ZNF485: variants seen among roughly 807,000 people sequenced by gnomAD.
ZNF485 encodes the protein Zinc finger protein 93 (Zinc finger protein HTF34).
In ZNF485, 9 loss-of-function variants were observed where a neutral mutation model predicts 10.8. That is an observed-to-expected ratio of 0.83 (90% CI 0.50 to 1.45). ZNF485 has a LOEUF of 1.45. Ranked by LOEUF, ZNF485 falls within the 40% of genes most tolerant of loss-of-function variation. ZNF485 has a pLI of 0.00. For synonymous variants in ZNF485, 187 were observed against 181.0 expected (o/e 1.03, Z -0.27); for missense variants, 487 against 528.0 (o/e 0.92, Z 0.76).
chr10:43,610,812 G>C (rs879503022), intron 4 of ZNF485, among the ~76,000 whole-genome samples: 2 of 152,094 alleles, frequency 1.3e-5, no homozygotes, highest in Non-Finnish European at 2.9e-5. Flanking sequence ...ATGGTATGCA[G>C]TCTCCTTCAC....
chr10:43,617,060 A>G lies in ZNF485; in HGVS notation c.1017A>G (p.Ser339=). 1 of 1,613,266 alleles carries G rather than the reference A, an allele frequency of 6.2e-7. No homozygotes were observed. The highest frequency in any genetic ancestry group is 8.5e-7 in the Non-Finnish European group (1 of 1,179,198). The change falls in exon 5 of 5, where the codon TCA becomes TCG. Residue 339 remains serine, a synonymous_variant. Transcript: ENST00000361807. ...SKCGKSFRYS[S]SFAGHQKTHS... Reference sequence around the variant, plus strand: ...GTGGAAAATCTTTCAGGTATAGCTCATCCTTTGCTGGTCATCAGAAAACTC... The same window carrying G: ...GTGGAAAATCTTTCAGGTATAGCTCGTCCTTTGCTGGTCATCAGAAAACTC...
At chr10:43,615,534 T>TG (rs201736105) in intron 4 of ZNF485, among the ~76,000 whole-genome samples, 4,462 of 152,136 alleles carry the variant, frequency 0.029, 220 homozygotes, top group African/African-American at 0.1. Flanking sequence ...CCCGAGTAGC[T>TG]GGGATTAAAG....
chr10:43,614,461 G>GT (rs202072713), intron 4 of ZNF485, among the ~76,000 whole-genome samples: 2,001 of 151,790 alleles, frequency 0.013, 19 homozygotes, highest in Non-Finnish European at 0.021. Context: ...TTCAAAACAT[G>GT]TTTTTTTTCT....
In ZNF485 at chr10:43,617,071, G is replaced by A; in HGVS notation, c.1028G>A (p.Gly343Asp). 6.2e-7 allele frequency: 1 copy of A among 1,614,174 alleles called. No homozygotes were observed. The highest frequency in any genetic ancestry group is 8.5e-7 in the Non-Finnish European group (1 of 1,180,022). ...TTCAGGTATAGCTCATCCTTTGCTG[G>A]TCATCAGAAAACTCACAGTGGAAAT... Reference protein sequence around the residue: ...KSFRYSSSFAGHQKTHSGNKP... With the variant: ...KSFRYSSSFADHQKTHSGNKP... Residue 343 changes from glycine (G) to aspartate (D), a missense_variant, in exon 5 of 5, where the codon GGT becomes GAT. Coordinates refer to ENST00000361807, the MANE Select transcript of ZNF485 (RefSeq NM_145312.4).
In ZNF485 at chr10:43,616,011, C is replaced by T. The variant is rs1405648537; in HGVS notation, c.248-280C>T. 2.0e-5 allele frequency among the ~76,000 whole-genome samples: 3 copies of T among 152,126 alleles called. No homozygotes were observed. In the East Asian group the frequency reaches 5.8e-4, roughly 29 times the overall value. On this transcript the variant is annotated intron_variant, in intron 4 of 4. Coordinates refer to ENST00000361807, the MANE Select transcript of ZNF485 (RefSeq NM_145312.4). ...TGTCTTTTTTCTTTTTTAGCTGTTT[C>T]CTGTGTTGTCTTCCTAACTTGGCAA...
In ZNF485 at chr10:43,617,458, ACTTC is replaced by A; in HGVS notation, c.*90_*93del. ...TATGCATTTAACAGAAATACTCTGT[ACTTC>A]TGAGAGAACACATCACTTGTGAGGA... On this transcript the variant is annotated 3_prime_UTR_variant, in exon 5 of 5. Transcript: ENST00000361807. The A allele has an allele frequency of 2.1e-6, 2 of 954,840 alleles. No homozygotes were observed. The highest frequency in any genetic ancestry group is 3.1e-6 in the Non-Finnish European group (2 of 642,624). The allele number at this position is 954,840 out of a possible 1,614,324, so 59.1% of individuals were successfully genotyped here. A position where few individuals can be genotyped will look rare whatever the true frequency, so the allele number is the denominator to read the frequency against.
intron 2 of ZNF485, among the ~76,000 whole-genome samples, chr10:43,607,911 C>A (rs1838684243): frequency 6.6e-6 from 1 of 152,176 alleles, no homozygotes; most frequent in Non-Finnish European, 1.5e-5. Context: ...ACTCTCTGAA[C>A]CTTTGTGTCT....
intron 2 of ZNF485, among the ~76,000 whole-genome samples, chr10:43,607,983 AT>A (rs1481900649): frequency 6.6e-6 from 1 of 152,228 alleles, no homozygotes; most frequent in African/African-American, 2.4e-5. Flanking sequence ...GATGATATGT[AT>A]CTCAGGGTTT....
At chr10:43,615,230 G>A (rs929669797) in intron 4 of ZNF485, among the ~76,000 whole-genome samples, 2 of 152,104 alleles carry the variant, frequency 1.3e-5, no homozygotes, top group Non-Finnish European at 2.9e-5. Flanking sequence ...TATAAGAAAA[G>A]CGCATTTAGT....
At chr10:43,610,913 G>A (rs1838756673) in intron 4 of ZNF485, among the ~76,000 whole-genome samples, 1 of 152,142 alleles carries the variant, frequency 6.6e-6, no homozygotes, top group African/African-American at 2.4e-5. Context: ...TACTTTGTGA[G>A]AGTATCCATG....
intron 3 of ZNF485, 95 bp downstream of exon 3, chr10:43,608,835 A>G (rs1353893219): frequency 1.7e-5 from 25 of 1,498,058 alleles, no homozygotes; most frequent in Admixed American, 4.2e-5. Flanking sequence ...AAAATCTTAA[A>G]TGATGTGCTT....
Position 43,616,844 on chromosome 10 carries a change from G to A in ZNF485, c.801G>A (p.Glu267=). 1.2e-6 allele frequency: 2 copies of A among 1,614,068 alleles called. No homozygotes were observed. The highest frequency in any genetic ancestry group is 1.7e-6 in the Non-Finnish European group (2 of 1,180,024). The change falls in exon 5 of 5, where the codon GAG becomes GAA. Residue 267 remains glutamate, a synonymous_variant. Transcript: ENST00000361807. The part of the protein sequence containing the change: ...LTRHERIHSG[E]KPFKCNKCGR... The stretch of plus-strand genomic sequence containing the variant: ...GTCATGAAAGAATACATAGTGGAGA[G>A]AAGCCTTTTAAATGTAACAAGTGTG...
chr10:43,609,212 ATT>A, intron 3 of ZNF485, 41 bp from the exon 4 acceptor site: 2 of 1,348,586 alleles, frequency 1.5e-6, no homozygotes, highest in Admixed American at 1.9e-5. Context: ...CTTTTCATTC[ATT>A]TTTTTTTTCT....
At chr10:43,608,456 G>A (rs769303798) in intron 2 of ZNF485, among the ~76,000 whole-genome samples, 158 bp from the exon 3 acceptor site, 82 of 152,362 alleles carry the variant, frequency 5.4e-4, no homozygotes, top group Non-Finnish European at 8.2e-4. Flanking sequence ...CTGCTCAAGG[G>A]AGGAGTCGCA....
intron 3 of ZNF485, among the ~76,000 whole-genome samples, chr10:43,608,953 G>A (rs1838712889): frequency 3.3e-5 from 5 of 152,172 alleles, no homozygotes; most frequent in Admixed American, 3.3e-4. Context: ...GCTTTGTGGT[G>A]CCAACTAGCC....
Position 43,616,471 on chromosome 10 carries a change from C to T in ZNF485, c.428C>T (p.Ser143Leu), listed in dbSNP as rs138982373. Residue 143 changes from serine to leucine, a missense_variant, in exon 5 of 5, where the codon TCG becomes TTG. Ser to Leu is a moderately radical substitution (Grantham distance 145). Transcript: ENST00000361807. Reference sequence around the variant, plus strand: ...TGTGGGAAAGTCTTCAAATACAATTCGTCCTTTATTAGCCACCAGAGAAAT... The same window carrying T: ...TGTGGGAAAGTCTTCAAATACAATTTGTCCTTTATTAGCCACCAGAGAAAT... ...KECGKVFKYN[S>L]SFISHQRNHT... 6.8e-6 allele frequency: 11 copies of T among 1,613,904 alleles called. No individual in the cohort carries two copies. Among genetic ancestry groups the T allele is most frequent in the South Asian group, 3.3e-5 (3 of 91,062 alleles).
chr10:43,611,968 T>C (rs1838777506), intron 4 of ZNF485, among the ~76,000 whole-genome samples: 1 of 152,232 alleles, frequency 6.6e-6, no homozygotes, highest in African/African-American at 2.4e-5. Context: ...AAGGTAATGA[T>C]GGATATGCTT....
intron 4 of ZNF485, among the ~76,000 whole-genome samples, chr10:43,615,028 C>T (rs1838828622): frequency 6.6e-6 from 1 of 152,134 alleles, no homozygotes; most frequent in African/African-American, 2.4e-5. Context: ...AACACATATC[C>T]CATCAAAGGC....
intron 4 of ZNF485, among the ~76,000 whole-genome samples, chr10:43,614,272 G>A (rs1838814960): frequency 6.6e-6 from 1 of 151,804 alleles, no homozygotes; most frequent in Non-Finnish European, 1.5e-5. Context: ...ATCTCTGATT[G>A]GGTAACTATT....
Sources: allele counts gnomAD v4.1 joint callset (sites outside exome capture counted in the v4.1 genomes callset), GRCh38; gene constraint gnomAD v4.1.1; transcripts MANE v1.5; gene names NCBI Gene and HGNC (gene_info 2026-07-23, HGNC 2026-07-21).